The following MFHAS1 variants were observed in gnomAD, a reference collection of about 807,000 sequenced individuals.
MFHAS1 encodes multifunctional ROCO family signaling regulator 1.
A neutral mutation model predicts 70.4 loss-of-function variants in MFHAS1; 50 were observed. The ratio of observed to expected loss-of-function variants is 0.71; its 90% CI spans 0.57 to 0.90. The LOEUF (loss-of-function observed/expected upper bound fraction) is 0.90, where lower values mean the gene tolerates loss of function less well. Ranked by LOEUF, MFHAS1 falls within the 40% of genes least tolerant of loss-of-function variation. The pLI, the probability that MFHAS1 is intolerant of heterozygous loss-of-function variation, is 0.00. For synonymous variants in MFHAS1, 952 were observed against 620.0 expected (o/e 1.54, Z -7.96); for missense variants, 1,795 against 1,347.6 (o/e 1.33, Z -5.20).
chr8:8,850,914 G>A (rs1371158225), intron 1 of MFHAS1, among the ~76,000 whole-genome samples: 1 of 150,672 alleles, frequency 6.6e-6, no homozygotes, highest in Non-Finnish European at 1.5e-5. Flanking sequence ...TAATCTCAGC[G>A]ATCTCTTCTC....
intron 1 of MFHAS1, among the ~76,000 whole-genome samples, chr8:8,827,911 T>A (rs568660853): frequency 1.5e-3 from 230 of 152,368 alleles, no homozygotes; most frequent in African/African-American, 5.2e-3. Context: ...AATTTCTTTT[T>A]TTTTAAGAGA....
In MFHAS1 at chr8:8,891,301, C is replaced by A. The variant is rs1251553464; in HGVS notation, c.1758G>T (p.Leu586=). 3 of 1,611,510 alleles carry A rather than the reference C, an allele frequency of 1.9e-6. No individual in the cohort carries two copies. The highest frequency in any genetic ancestry group is 1.7e-6 in the Non-Finnish European group (2 of 1,180,016). ...AGGCTGCGTGGGGGCTGGCAGAGCG[C>A]AGCTCGAAGTCCCGGGCCAGTGCCT... ...VDEALARDFE[L]RSASPHAAYY... Residue 586 remains leucine (L), a synonymous_variant, in exon 1 of 3, where the codon CTG becomes CTT. Transcript: ENST00000276282. This position sits in a 1 kb window ranked among gnomAD's most constrained non-coding sequence, Gnocchi z 5.4.
intron 1 of MFHAS1, among the ~76,000 whole-genome samples, chr8:8,888,407 G>T (rs1305543133): frequency 6.6e-6 from 1 of 152,070 alleles, no homozygotes; most frequent in African/African-American, 2.4e-5. Context: ...GTCCCCTGGG[G>T]GTGGGGACCC....
chr8:8,847,659 C>T (rs1808086028), intron 1 of MFHAS1, among the ~76,000 whole-genome samples: 1 of 152,194 alleles, frequency 6.6e-6, no homozygotes, highest in Non-Finnish European at 1.5e-5. Flanking sequence ...ATGAAGACAT[C>T]TCATGACAGA....
At chr8:8,842,471 G>C (rs1269349999) in intron 1 of MFHAS1, among the ~76,000 whole-genome samples, 1 of 152,156 alleles carries the variant, frequency 6.6e-6, no homozygotes, top group Non-Finnish European at 1.5e-5. Context: ...TAATAGGCGT[G>C]AGCCACCATG....
chr8:8,866,020 GAC>G (rs1808842446), intron 1 of MFHAS1, among the ~76,000 whole-genome samples: 1 of 152,342 alleles, frequency 6.6e-6, no homozygotes, highest in South Asian at 2.1e-4. Context: ...CAGAGGTGAT[GAC>G]AGAGAAGCTG....
intron 1 of MFHAS1, among the ~76,000 whole-genome samples, chr8:8,864,488 T>C (rs1808785500): frequency 6.6e-6 from 1 of 152,258 alleles, no homozygotes; most frequent in African/African-American, 2.4e-5. Flanking sequence ...ATATCCTAAA[T>C]ATTCTTATGT....
chr8:8,854,848 C>G (rs1046826951), intron 1 of MFHAS1, among the ~76,000 whole-genome samples: 2 of 152,122 alleles, frequency 1.3e-5, no homozygotes, highest in Admixed American at 6.5e-5. Context: ...TATTGTTTAT[C>G]TGAAATTCAA....
At chr8:8,825,052 C>G (rs73184220) in intron 1 of MFHAS1, among the ~76,000 whole-genome samples, 3,681 of 152,352 alleles carry the variant, frequency 0.024, 103 homozygotes, top group African/African-American at 0.062. Flanking sequence ...TCATGCTGTC[C>G]TAGAGATTCT....
At chr8:8,797,306 A>C (rs937088492) in intron 2 of MFHAS1, 59 bp downstream of exon 2, 14 of 1,596,978 alleles carry the variant, frequency 8.8e-6, no homozygotes, top group Admixed American at 1.7e-5. Context: ...TTGTGGTCAT[A>C]TCTATGGAGC....
chr8:8,793,187 AT>A (rs200654789), intron 2 of MFHAS1, among the ~76,000 whole-genome samples: 48 of 151,524 alleles, frequency 3.2e-4, no homozygotes, highest in South Asian at 6.2e-4. Context: ...AAAAAAAAAA[AT>A]ATCACTACCT....
At chr8:8,880,092 G>T (rs187436455) in intron 1 of MFHAS1, among the ~76,000 whole-genome samples, 4 of 152,310 alleles carry the variant, frequency 2.6e-5, no homozygotes, top group African/African-American at 9.6e-5. Flanking sequence ...AGACCAGGAG[G>T]CTTGGATGCC....
At chr8:8,833,874 C>G (rs9329169) in intron 1 of MFHAS1, among the ~76,000 whole-genome samples, 139,078 of 152,198 alleles carry the variant, frequency 0.91, 64,059 homozygotes, top group South Asian at 0.99. Flanking sequence ...AAAGAAACAG[C>G]CTACACTTTG....
chr8:8,854,801 T>C (rs913343206), intron 1 of MFHAS1, among the ~76,000 whole-genome samples: 7 of 152,214 alleles, frequency 4.6e-5, no homozygotes, highest in African/African-American at 9.6e-5. Flanking sequence ...GATGTAAGAA[T>C]AGATGTATAC....
At chr8:8,787,191 C>T (rs1015141663) in intron 2 of MFHAS1, among the ~76,000 whole-genome samples, 1 of 151,994 alleles carries the variant, frequency 6.6e-6, no homozygotes, top group Non-Finnish European at 1.5e-5. Context: ...TGCCATTCTC[C>T]TGCCTCAGCC....
intron 1 of MFHAS1, among the ~76,000 whole-genome samples, chr8:8,847,230 G>A (rs1168424225): frequency 2.0e-5 from 3 of 152,106 alleles, no homozygotes; most frequent in Non-Finnish European, 4.4e-5. Flanking sequence ...CATCCAGGCT[G>A]GAGTACAATG....
chr8:8,847,505 A>G (rs1352308321), intron 1 of MFHAS1, among the ~76,000 whole-genome samples: 1 of 152,210 alleles, frequency 6.6e-6, no homozygotes, highest in East Asian at 1.9e-4. Context: ...GAAACAAAGA[A>G]GCAGAAAGGA....
chr8:8,834,648 A>G (rs1807533134), intron 1 of MFHAS1, among the ~76,000 whole-genome samples: 2 of 152,224 alleles, frequency 1.3e-5, no homozygotes, highest in South Asian at 4.1e-4. Flanking sequence ...CATGTAAGTT[A>G]TGTGGGTCCA....
chr8:8,882,276 G>C (rs13256017), intron 1 of MFHAS1, among the ~76,000 whole-genome samples: 1 of 152,182 alleles, frequency 6.6e-6, no homozygotes, highest in African/African-American at 2.4e-5. Context: ...TGTAATCCCA[G>C]CTACGTGGGA....
Sources: gnomAD v4.1 joint callset for allele counts (sites outside exome capture counted in the v4.1 genomes callset) on GRCh38, gnomAD v4.1.1 for gene constraint, Gnocchi (gnomAD v3.1) non-coding constraint, MANE v1.5 for transcripts, NCBI Gene and HGNC (gene_info 2026-07-23, HGNC 2026-07-21) for gene names.